Variants in WDR6 observed in about 807,000 individuals in gnomAD.
The protein encoded by WDR6 is WD repeat domain 6, also known as tRNA (34-2'-O)-methyltransferase regulator WDR6.
In WDR6, 58 loss-of-function variants were observed where a neutral mutation model predicts 85.6. That is an observed-to-expected ratio of 0.68 (90% CI 0.55 to 0.84). The LOEUF is 0.84. Among genes scored for constraint, WDR6 ranks in the 40% least tolerant of loss-of-function variants. WDR6 has a pLI of 0.00. For synonymous variants in WDR6, 569 were observed against 582.2 expected (o/e 0.98, Z 0.33); for missense variants, 1,310 against 1,476.4 (o/e 0.89, Z 1.85).
chr3:49,013,002 A>G lies in WDR6; in HGVS notation c.1468A>G (p.Lys490Glu), dbSNP rs767543280. ...TTGTCGGTACCTGCTGCCCCCAAGC[A>G]AGCAGAGATGGCACACATGCAGTGC... ...ERCRYLLPPS[K>E]QRWHTCSAFL... Residue 490 changes from lysine (K) to glutamate (E), a missense_variant, in exon 2 of 6, where the codon AAG (lysine) becomes GAG (glutamate). Coordinates refer to ENST00000608424, the MANE Select transcript of WDR6 (RefSeq NM_018031.6). This position sits in a 1 kb window ranked among gnomAD's most constrained non-coding sequence, Gnocchi z 4.6. The G allele has an allele frequency of 1.2e-6, 2 of 1,613,786 alleles. No individual in the cohort carries two copies. Among genetic ancestry groups the G allele is most frequent in the Admixed American group, 3.3e-5 (2 of 59,976 alleles).
At chr3:49,009,802 A>C (rs936263912) in intron 1 of WDR6, among the ~76,000 whole-genome samples, 1 of 151,218 alleles carries the variant, frequency 6.6e-6, no homozygotes, top group Admixed American at 6.6e-5. Flanking sequence ...ATCTCAGGTC[A>C]CTGCAACTTC....
At chr3:49,010,178 G>A (rs541343389) in intron 1 of WDR6, among the ~76,000 whole-genome samples, 3 of 152,166 alleles carry the variant, frequency 2.0e-5, no homozygotes, top group South Asian at 4.2e-4. Flanking sequence ...AGGCCGAGGT[G>A]GGCGGATCAT....
In WDR6 at chr3:49,012,773, G is replaced by A. The variant is rs774078677; in HGVS notation, c.1239G>A (p.Gly413=). Residue 413 remains glycine, a synonymous_variant, in exon 2 of 6, where the codon GGG becomes GGA. Coordinates refer to ENST00000608424, the MANE Select transcript of WDR6 (RefSeq NM_018031.6). This position sits in a 1 kb window ranked among gnomAD's most constrained non-coding sequence, Gnocchi z 4.4. ...TCGGATTGTGTGCTATGGCCAATGG[G>A]GAAGGTCGTGTCAAGGTTGTCCCCA... is the stretch of plus-strand genomic sequence containing the variant. The part of the protein sequence containing the change: ...EGFGLCAMAN[G]EGRVKVVPIN... 2 of 1,613,978 alleles carry A rather than the reference G, an allele frequency of 1.2e-6. No homozygotes were observed. Among genetic ancestry groups the A allele is most frequent in the Non-Finnish European group, 1.7e-6 (2 of 1,180,006 alleles).
chr3:49,015,287 G>A lies in WDR6; in HGVS notation c.3365G>A (p.Ter1122=). 6.2e-7 allele frequency: 1 copy of A among 1,608,160 alleles called. No homozygotes were observed. Among genetic ancestry groups the A allele is most frequent in the South Asian group, 1.1e-5 (1 of 91,074 alleles). The change falls in exon 6 of 6, where the codon TGA becomes TAA. Residue 1122 remains the stop codon, a stop_retained_variant. Transcript: ENST00000608424. ...CTTGAGGTTTACAACTGGTATGACTGAGGTATCCTGCGGTGGCTGGCGTGC... is the reference window on the plus strand; with the variant it reads ...CTTGAGGTTTACAACTGGTATGACTAAGGTATCCTGCGGTGGCTGGCGTGC... ...QGLEVYNWYD[*]
Position 49,015,053 on chromosome 3 carries a change from A to G in WDR6, c.3131A>G (p.His1044Arg). The change falls in exon 6 of 6, where the codon CAT becomes CGT. Residue 1044 changes from histidine (H) to arginine (R), a missense_variant. Physicochemically the swap from His to Arg is conservative, Grantham distance 29 (BLOSUM62 0). Coordinates refer to ENST00000608424, the MANE Select transcript of WDR6 (RefSeq NM_018031.6). ...GAGGAATACTCTGTCCCCTGTGCAC[A>G]TGCTGCCCATGTGACAGGCCTCAAG... Reference protein sequence around the residue: ...VLEEYSVPCAHAAHVTGLKIL... With the variant: ...VLEEYSVPCARAAHVTGLKIL... The G allele has an allele frequency of 1.2e-6, 2 of 1,614,158 alleles. No homozygotes were observed. The highest frequency in any genetic ancestry group is 1.7e-6 in the Non-Finnish European group (2 of 1,180,032).
Position 49,012,587 on chromosome 3 carries a change from C to T in WDR6, c.1053C>T (p.Leu351=), listed in dbSNP as rs775419196. ...AGTCCCGTAGTAGGCCAGGTACACT[C>T]AAGGCTGTGACTCTGGCTGGCTCTT... The part of the protein sequence containing the change: ...CFKSRSRPGT[L]KAVTLAGSWR... Residue 351 remains leucine, a synonymous_variant, in exon 2 of 6, where the codon CTC becomes CTT. Transcript: ENST00000608424. This position sits in a 1 kb window ranked among gnomAD's most constrained non-coding sequence, Gnocchi z 4.4. 14 of 1,613,958 alleles carry T rather than the reference C, an allele frequency of 8.7e-6. 1 individual carries two copies. The South Asian group carries it at 1.5e-4, about 18-fold the overall frequency.
Position 49,014,007 on chromosome 3 carries a change from C to A in WDR6, c.2473C>A (p.Pro825Thr), listed in dbSNP as rs979997102. The A allele has an allele frequency of 6.2e-7, 1 of 1,611,908 alleles. No individual in the cohort carries two copies. ...SIMVTPDPST[P>T]SRLACHVMHL... ...CATGGTTACTCCGGACCCCAGCACCCCAAGCCGCCTCGCCTGCCATGTCAT... is the reference window on the plus strand; with the variant it reads ...CATGGTTACTCCGGACCCCAGCACCACAAGCCGCCTCGCCTGCCATGTCAT... Residue 825 changes from proline to threonine, a missense_variant, in exon 2 of 6, where the codon CCA becomes ACA. Transcript: ENST00000608424. This position sits in a 1 kb window ranked among gnomAD's most constrained non-coding sequence, Gnocchi z 4.9.
chr3:49,013,948 C>CG lies in WDR6; in HGVS notation c.2421dup (p.Arg808AlafsTer3), dbSNP rs750038548. The stretch of plus-strand genomic sequence containing the variant: ...GGCCTGACTGCCCATGTGGTGTCTG[C>CG]GGGGGGGCGGGCTGAGATGCACTGC... On this transcript the variant is annotated frameshift_variant, in exon 2 of 6. Transcript: ENST00000608424. LOFTEE classifies it high-confidence loss of function. This position sits in a 1 kb window ranked among gnomAD's most constrained non-coding sequence, Gnocchi z 4.6. The CG allele has an allele frequency of 3.9e-5, 63 of 1,612,096 alleles. No individual in the cohort carries two copies. The highest frequency in any genetic ancestry group is 5.3e-5 in the African/African-American group (4 of 74,966).
In WDR6 at chr3:49,007,403, G is replaced by A. The variant is rs1267365324; in HGVS notation, c.-29G>A. 9.4e-6 allele frequency: 15 copies of A among 1,598,682 alleles called. No homozygotes were observed. Among genetic ancestry groups the A allele is most frequent in the Non-Finnish European group, 1.0e-5 (12 of 1,173,604 alleles). ...CGAGAGTTCAGCTCCCTTCTTAGCCGTGGCTGCCTCAGCACCTCGAGGATC... is the reference window on the plus strand; with the variant it reads ...CGAGAGTTCAGCTCCCTTCTTAGCCATGGCTGCCTCAGCACCTCGAGGATC... On this transcript the variant is annotated 5_prime_UTR_variant, in exon 1 of 6. In the 5' UTR this introduces an upstream ATG that the reference lacks. Coordinates refer to ENST00000608424, the MANE Select transcript of WDR6 (RefSeq NM_018031.6). This position sits in a 1 kb window ranked among gnomAD's most constrained non-coding sequence, Gnocchi z 5.1.
rs772046965 is a variant in WDR6, at chr3:49,013,473, A to G, written c.1939A>G (p.Lys647Glu). The change falls in exon 2 of 6, where the codon AAG becomes GAG. Residue 647 changes from lysine to glutamate, a missense_variant. Lys to Glu is a moderately conservative substitution (Grantham distance 56). Transcript: ENST00000608424. This position sits in a 1 kb window ranked among gnomAD's most constrained non-coding sequence, Gnocchi z 4.6. ...GGTGTGGAACCCTCGGTCACACGAG[A>G]AGCTGCACATCGTCAACTGTGGTGG... The part of the protein sequence containing the change: ...FVVWNPRSHE[K>E]LHIVNCGGGH... 4 of 1,613,950 alleles carry G rather than the reference A, an allele frequency of 2.5e-6. No individual in the cohort carries two copies. The highest frequency in any genetic ancestry group is 8.5e-7 in the Non-Finnish European group (1 of 1,180,014).
chr3:49,014,741 T>C lies in WDR6; in HGVS notation c.2902+23T>C. ...ACCGTGAGTAGCTAATGTGCAACCA[T>C]GGCTACCCCTCCTCACCTGTCACAT... On this transcript the variant is annotated intron_variant, in intron 5 of 5. Transcript: ENST00000608424. This position sits in a 1 kb window ranked among gnomAD's most constrained non-coding sequence, Gnocchi z 4.9. The C allele has an allele frequency of 6.2e-7, 1 of 1,612,554 alleles. No homozygotes were observed. The highest frequency in any genetic ancestry group is 8.5e-7 in the Non-Finnish European group (1 of 1,179,266).
chr3:49,015,272 A>C lies in WDR6; in HGVS notation c.3350A>C (p.Tyr1117Ser), dbSNP rs2093047886. 1.2e-6 allele frequency: 2 copies of C among 1,610,822 alleles called. No homozygotes were observed. Among genetic ancestry groups the C allele is most frequent in the East Asian group, 4.5e-5 (2 of 44,870 alleles). The change falls in exon 6 of 6, where the codon TAC (tyrosine) becomes TCC (serine). Residue 1117 changes from tyrosine to serine, a missense_variant. Tyr to Ser is a moderately radical substitution (Grantham distance 144). Transcript: ENST00000608424. ...CTTGGGGGTCAGGGGCTTGAGGTTT[A>C]CAACTGGTATGACTGAGGTATCCTG... is the stretch of plus-strand genomic sequence containing the variant. Reference protein sequence around the residue: ...CALGGQGLEVYNWYD With the variant: ...CALGGQGLEVSNWYD
rs1344340197 is a variant in WDR6 at position 49,011,876 on chromosome 3, C to T, written c.342C>T (p.Asn114=). The change falls in exon 2 of 6, where the codon AAC becomes AAT. Residue 114 remains asparagine, a synonymous_variant. Coordinates refer to ENST00000608424, the MANE Select transcript of WDR6 (RefSeq NM_018031.6). ...AGCTTTGGCGCTCTGGCCTGTGGAACATGTCTGACTGGATTTGGGATGCAC... is the reference window on the plus strand; with the variant it reads ...AGCTTTGGCGCTCTGGCCTGTGGAATATGTCTGACTGGATTTGGGATGCAC... The part of the protein sequence containing the change: ...FWELWRSGLW[N]MSDWIWDARW... The T allele has an allele frequency of 6.2e-7, 1 of 1,614,134 alleles. No homozygotes were observed. The highest frequency in any genetic ancestry group is 1.3e-5 in the African/African-American group (1 of 74,946).
intron 1 of WDR6, chr3:49,008,337 A>C (rs983801276): frequency 6.6e-6 from 1 of 152,430 alleles, no homozygotes; most frequent in Non-Finnish European, 1.5e-5. Context: ...GAGTTGTATA[A>C]GGGTCCTGAG....
At chr3:49,011,421 A>G (rs1167369344) in intron 1 of WDR6, 1 of 1,385,660 alleles carries the variant, frequency 7.2e-7, no homozygotes, top group East Asian at 2.6e-5. Context: ...TTTGAGACAG[A>G]GTCTGGCTTT....
chr3:49,014,859 C>G lies in WDR6; in HGVS notation c.2937C>G (p.His979Gln), dbSNP rs955454290. The G allele has an allele frequency of 3.7e-6, 6 of 1,609,766 alleles. No individual in the cohort carries two copies. In the Admixed American group the frequency reaches 6.7e-5, roughly 18 times the overall value. Reference protein sequence around the residue: ...LGTPSLTLQAHSCGINSLHTL... With the variant: ...LGTPSLTLQAQSCGINSLHTL... ...CCCCCTCCCTGACTCTCCAGGCCCACAGCTGTGGTATCAACAGCCTGCACA... is the reference window on the plus strand; with the variant it reads ...CCCCCTCCCTGACTCTCCAGGCCCAGAGCTGTGGTATCAACAGCCTGCACA... The change falls in exon 6 of 6, where the codon CAC becomes CAG. Residue 979 changes from histidine (H) to glutamine (Q), a missense_variant. Transcript: ENST00000608424. This position sits in a 1 kb window ranked among gnomAD's most constrained non-coding sequence, Gnocchi z 4.9.
In WDR6 at chr3:49,013,398, GTGCCC is replaced by G. The variant is rs1158976988; in HGVS notation, c.1865_1869del (p.Val622GlyfsTer13). Reference sequence around the variant, plus strand: ...GAACTGGCTAGCTGGGCTCCGTATAGTGCCCGATGGGAGCATGGTTATCCTGGGTT... The same window carrying G: ...GAACTGGCTAGCTGGGCTCCGTATAGGATGGGAGCATGGTTATCCTGGGTT... On this transcript the variant is annotated frameshift_variant, in exon 2 of 6. Coordinates refer to ENST00000608424, the MANE Select transcript of WDR6 (RefSeq NM_018031.6). LOFTEE classifies it high-confidence loss of function. The surrounding 1 kb of genome is among the most constrained non-coding windows in gnomAD (Gnocchi z 4.6). The G allele has an allele frequency of 3.7e-6, 6 of 1,614,062 alleles. No homozygotes were observed. Among genetic ancestry groups the G allele is most frequent in the Non-Finnish European group, 4.2e-6 (5 of 1,180,026 alleles).
In WDR6 at chr3:49,013,618, T is replaced by A; in HGVS notation, c.2084T>A (p.Leu695His). The change falls in exon 2 of 6, where the codon CTC (leucine) becomes CAC (histidine). Residue 695 changes from leucine to histidine, a missense_variant. Leu to His is a moderately conservative substitution (Grantham distance 99). Coordinates refer to ENST00000608424, the MANE Select transcript of WDR6 (RefSeq NM_018031.6). This position sits in a 1 kb window ranked among gnomAD's most constrained non-coding sequence, Gnocchi z 4.6. ...LGGCTRPHVI[L>H]REGLHGREIT... Reference sequence around the variant, plus strand: ...GGCTGCACCCGGCCACACGTGATTCTCCGGGAGGGTCTGCATGGCCGTGAG... The same window carrying A: ...GGCTGCACCCGGCCACACGTGATTCACCGGGAGGGTCTGCATGGCCGTGAG... 6.2e-7 allele frequency: 1 copy of A among 1,614,100 alleles called. No homozygotes were observed. The highest frequency in any genetic ancestry group is 8.5e-7 in the Non-Finnish European group (1 of 1,180,004).
At position 49,015,675 on chromosome 3, in the gene WDR6, G is replaced by A. The variant is rs1244785819; in HGVS notation, c.*387G>A. ...CAGCTCTCAGAAGCTGCAGGCGGAC[G>A]AACATCTGACCAAAGAGGTGTGGTC... On this transcript the variant is annotated 3_prime_UTR_variant, in exon 6 of 6. Transcript: ENST00000608424. The A allele has an allele frequency of 1.2e-5, 19 of 1,613,980 alleles. No individual in the cohort carries two copies. The highest frequency in any genetic ancestry group is 1.4e-5 in the Non-Finnish European group (17 of 1,180,030).
Sources: allele counts gnomAD v4.1 joint callset (sites outside exome capture counted in the v4.1 genomes callset), GRCh38; gene constraint gnomAD v4.1.1; non-coding constraint Gnocchi (gnomAD v3.1); transcripts MANE v1.5; gene names NCBI Gene and HGNC (gene_info 2026-07-23, HGNC 2026-07-21).